The following PSD3 variants were observed in gnomAD, a reference collection of about 807,000 sequenced individuals.
The protein encoded by PSD3 is pleckstrin and Sec7 domain containing 3.
In PSD3, 49 loss-of-function variants were observed where a neutral mutation model predicts 105.5. That is an observed-to-expected ratio of 0.46 (90% confidence interval 0.37 to 0.59). The LOEUF (loss-of-function observed/expected upper bound fraction) is 0.59, where lower values mean the gene tolerates loss of function less well. Among genes scored for constraint, PSD3 ranks in the 20% least tolerant of loss-of-function variants. The probability of loss-of-function intolerance (pLI) is 0.00; values close to 1 mark genes in which losing one functional copy is unlikely to be tolerated. For synonymous variants in PSD3, 557 were observed against 457.8 expected (o/e 1.22, Z -2.77); for missense variants, 1,561 against 1,263.8 (o/e 1.24, Z -3.57).
chr8:19,083,978 T>C (rs9657493), intron 1 of PSD3, among the ~76,000 whole-genome samples: 53,304 of 152,142 alleles, frequency 0.35, 11,671 homozygotes, highest in Non-Finnish European at 0.49. Flanking sequence ...GGGAAATAGT[T>C]AATCCTTGCC....
At chr8:18,717,894 T>A (rs1043506990) in intron 9 of PSD3, among the ~76,000 whole-genome samples, 1 of 152,102 alleles carries the variant, frequency 6.6e-6, no homozygotes, top group South Asian at 2.1e-4. Context: ...ACTTGGTAAA[T>A]AGAACACAAA....
At chr8:18,831,898 CA>C (rs79864790) in intron 4 of PSD3, among the ~76,000 whole-genome samples, 7,519 of 147,166 alleles carry the variant, frequency 0.051, 192 homozygotes, top group South Asian at 0.084. Context: ...ATAAATATAA[CA>C]AAAAAAAAAT....
At chr8:18,725,075 C>G (rs1585738490) in intron 9 of PSD3, among the ~76,000 whole-genome samples, 1 of 152,278 alleles carries the variant, frequency 6.6e-6, no homozygotes, top group Middle Eastern at 3.4e-3. Flanking sequence ...AAATAAACTT[C>G]CATTAAAGTT....
intron 15 of PSD3, among the ~76,000 whole-genome samples, chr8:18,539,435 A>G (rs1204875992): frequency 6.6e-6 from 1 of 152,198 alleles, no homozygotes; most frequent in East Asian, 1.9e-4. Flanking sequence ...CCTTTCAGAG[A>G]AGATGTGATT....
At chr8:18,992,398 C>T (rs75874146) in intron 1 of PSD3, among the ~76,000 whole-genome samples, 2,719 of 152,148 alleles carry the variant, frequency 0.018, 97 homozygotes, top group African/African-American at 0.063. Context: ...TACAGTTGTG[C>T]TTGGAAGTGT....
chr8:18,704,460 C>T (rs1444495212), intron 9 of PSD3, among the ~76,000 whole-genome samples: 1 of 152,192 alleles, frequency 6.6e-6, no homozygotes, highest in Non-Finnish European at 1.5e-5. Flanking sequence ...GTCTCACCCT[C>T]CCCAGTAGCT....
At chr8:18,610,938 C>G (rs954357998) in intron 11 of PSD3, among the ~76,000 whole-genome samples, 1 of 152,138 alleles carries the variant, frequency 6.6e-6, no homozygotes, top group African/African-American at 2.4e-5. Flanking sequence ...GGTTAAAAAT[C>G]TATACAATGA....
At chr8:18,943,163 G>A (rs1454242434) in intron 1 of PSD3, among the ~76,000 whole-genome samples, 1 of 152,126 alleles carries the variant, frequency 6.6e-6, no homozygotes, top group Admixed American at 6.5e-5. Flanking sequence ...AAGGAGGCAT[G>A]GTGAAAAAGA....
At chr8:18,982,960 C>T (rs557115619) in intron 1 of PSD3, among the ~76,000 whole-genome samples, 1 of 152,340 alleles carries the variant, frequency 6.6e-6, no homozygotes, top group African/African-American at 2.4e-5. Flanking sequence ...ATTGACTTCT[C>T]TGTAGCTATG....
intron 9 of PSD3, among the ~76,000 whole-genome samples, chr8:18,689,835 T>A (rs955218206): frequency 6.6e-6 from 1 of 152,188 alleles, no homozygotes; most frequent in African/African-American, 2.4e-5. Flanking sequence ...TTGGACTTAT[T>A]ATTAGAGCTG....
intron 4 of PSD3, among the ~76,000 whole-genome samples, chr8:18,858,031 C>T (rs1176007562): frequency 6.6e-6 from 1 of 152,150 alleles, no homozygotes; most frequent in Non-Finnish European, 1.5e-5. Context: ...ACTTATTTAC[C>T]TTCCCTTGCA....
chr8:18,800,058 C>G lies in PSD3; in HGVS notation c.2024-705G>C, dbSNP rs74809584. Among the ~76,000 whole-genome samples, 707 of 152,288 alleles carry G rather than the reference C, an allele frequency of 4.6e-3. 23 individuals are homozygous for G. The highest frequency in any genetic ancestry group is 0.038 in the Admixed American group (582 of 15,292). On this transcript the variant is annotated intron_variant, in intron 7 of 15. Transcript: ENST00000327040. ...CCAAATGGCTAAAAGTATATTTATT[C>G]TAGTACCACTTTATTATCACAAGTT...
chr8:18,921,734 A>G (rs890368589), intron 2 of PSD3, among the ~76,000 whole-genome samples: 1 of 152,244 alleles, frequency 6.6e-6, no homozygotes, highest in Non-Finnish European at 1.5e-5. Context: ...GCAAAAGTAT[A>G]AAGTCATACA....
intron 11 of PSD3, among the ~76,000 whole-genome samples, chr8:18,609,514 A>G (rs1051566235): frequency 2.0e-5 from 3 of 152,246 alleles, no homozygotes; most frequent in Non-Finnish European, 4.4e-5. Context: ...AAAAAGCACA[A>G]GGCATTTTTA....
At chr8:18,947,895 A>T (rs966369501) in intron 1 of PSD3, among the ~76,000 whole-genome samples, 1 of 152,102 alleles carries the variant, frequency 6.6e-6, no homozygotes, top group African/African-American at 2.4e-5. Context: ...ATTTGTAATA[A>T]AGCCTCCCAT....
At chr8:18,997,858 C>A (rs563780837) in intron 1 of PSD3, among the ~76,000 whole-genome samples, 2 of 152,104 alleles carry the variant, frequency 1.3e-5, no homozygotes, top group Non-Finnish European at 1.5e-5. Context: ...AACTCCACCC[C>A]CTCCCAAACT....
At chr8:18,920,843 A>G (rs537934609) in intron 2 of PSD3, among the ~76,000 whole-genome samples, 2 of 152,184 alleles carry the variant, frequency 1.3e-5, no homozygotes, top group African/African-American at 4.8e-5. Context: ...ATAACTAAAA[A>G]TATACCCAAC....
At chr8:19,046,858 G>A (rs919149) in intron 1 of PSD3, among the ~76,000 whole-genome samples, 44,335 of 151,962 alleles carry the variant, frequency 0.29, 6,880 homozygotes, top group Middle Eastern at 0.4. Context: ...GTCCTGCAGT[G>A]AAAAAAAGGC....
chr8:19,024,912 C>T (rs1563516086), intron 1 of PSD3, among the ~76,000 whole-genome samples: 3 of 151,986 alleles, frequency 2.0e-5, no homozygotes, highest in Non-Finnish European at 1.5e-5. Flanking sequence ...AACCAGTAAA[C>T]ATAAGTAAAG....
Sources: allele counts gnomAD v4.1 joint callset (sites outside exome capture counted in the v4.1 genomes callset), GRCh38; gene constraint gnomAD v4.1.1; transcripts MANE v1.5; gene names NCBI Gene and HGNC (gene_info 2026-07-23, HGNC 2026-07-21).